Variants in DNAAF5 observed in about 807,000 individuals in gnomAD.
The protein encoded by DNAAF5 is HEAT repeat containing 2.
Under a neutral mutation model 75.8 loss-of-function variants are expected in DNAAF5, and 64 were observed. The ratio of observed to expected loss-of-function variants is 0.84; its 90% CI spans 0.69 to 1.04. The LOEUF is 1.04. Ranked by LOEUF, DNAAF5 falls within the 50% of genes least tolerant of loss-of-function variation. The probability of loss-of-function intolerance (pLI) is 0.00; values close to 1 mark genes in which losing one functional copy is unlikely to be tolerated. For missense variants in DNAAF5, 1,269 were observed against 1,178.5 expected (o/e 1.08, Z -1.12); for synonymous variants, 657 against 557.2 (o/e 1.18, Z -2.52).
Position 754,537 on chromosome 7 carries a change from G to A in DNAAF5, c.1025-52G>A. ...AATGTGATGTGCGGTAACTTGAGTTGTTGAGGTTTTGCTTGTGAATTTCTC... is the reference window on the plus strand; with the variant it reads ...AATGTGATGTGCGGTAACTTGAGTTATTGAGGTTTTGCTTGTGAATTTCTC... On this transcript the variant is annotated intron_variant, in intron 4 of 12. Transcript: ENST00000297440. The surrounding 1 kb of genome is among the most constrained non-coding windows in gnomAD (Gnocchi z 4.8). 2 of 1,475,282 alleles carry A rather than the reference G, an allele frequency of 1.4e-6. No individual in the cohort carries two copies. Among genetic ancestry groups the A allele is most frequent in the East Asian group, 2.3e-5 (1 of 43,966 alleles). The allele number at this position is 1,475,282 out of a possible 1,614,324, so 91.4% of individuals were successfully genotyped here. A position where few individuals can be genotyped will look rare whatever the true frequency, so the allele number is the denominator to read the frequency against.
At chr7:760,064 ACGGGGCCGCGCGGCTCCTCC>A (rs2128079803) in intron 6 of DNAAF5, among the ~76,000 whole-genome samples, 1 of 10,524 alleles carries the variant, frequency 9.5e-5, no homozygotes, top group African/African-American at 2.9e-4. Context: ...TCCGAGGGAG[ACGGGGCCGCGCGGCTCCTCC>A]AGCTCTGAGG....
chr7:780,826 C>CTTTT (rs201445917), intron 12 of DNAAF5, among the ~76,000 whole-genome samples: 20 of 131,266 alleles, frequency 1.5e-4, no homozygotes, highest in African/African-American at 5.1e-4. Flanking sequence ...TTTTTTTTTT[C>CTTTT]TTTTTTTTTT....
At chr7:757,550 A>AG (rs1353568351) in intron 6 of DNAAF5, among the ~76,000 whole-genome samples, 1 of 152,274 alleles carries the variant, frequency 6.6e-6, no homozygotes, top group Non-Finnish European at 1.5e-5. Flanking sequence ...CTCACAGCCC[A>AG]GCTGAGGATT....
intron 11 of DNAAF5, among the ~76,000 whole-genome samples, chr7:779,059 T>G (rs1194748946): frequency 1.3e-5 from 2 of 152,274 alleles, no homozygotes; most frequent in Non-Finnish European, 2.9e-5. Flanking sequence ...ATTAACCCAC[T>G]GGGTCCCACT....
In DNAAF5 at chr7:783,298, G is replaced by A. The variant is rs184050937; in HGVS notation, c.2432-2219G>A. Reference sequence around the variant, plus strand: ...TGGTGCCCACTCGCGGGTGTAAGCCGTGTGCGTGAGGGTGAGTGTGGCAGG... The same window carrying A: ...TGGTGCCCACTCGCGGGTGTAAGCCATGTGCGTGAGGGTGAGTGTGGCAGG... On this transcript the variant is annotated intron_variant, in intron 12 of 12. Coordinates refer to ENST00000297440, the MANE Select transcript of DNAAF5 (RefSeq NM_017802.4). Among the ~76,000 whole-genome samples the A allele has an allele frequency of 7.2e-5, 11 of 152,334 alleles. 1 individual carries two copies. The highest frequency in any genetic ancestry group is 3.4e-3 in the Middle Eastern group (1 of 294).
At chr7:760,529 G>A (rs1583501626) in intron 6 of DNAAF5, among the ~76,000 whole-genome samples, 1 of 152,186 alleles carries the variant, frequency 6.6e-6, no homozygotes, top group East Asian at 1.9e-4. Context: ...TCTTATCTAT[G>A]ATCCCAGCAC....
At chr7:783,800 G>A (rs1779059684) in intron 12 of DNAAF5, among the ~76,000 whole-genome samples, 1 of 151,804 alleles carries the variant, frequency 6.6e-6, no homozygotes, top group South Asian at 2.1e-4. Context: ...CCATCAACCC[G>A]AGTTCTGAGC....
At chr7:752,723 T>C (rs1201852883) in intron 4 of DNAAF5, among the ~76,000 whole-genome samples, 2 of 152,250 alleles carry the variant, frequency 1.3e-5, no homozygotes, top group Admixed American at 1.3e-4. Context: ...TAAAGCAATG[T>C]GTGGACTTCA....
chr7:727,356 T>G, intron 1 of DNAAF5, 41 bp downstream of exon 1: 4 of 1,016,716 alleles, frequency 3.9e-6, no homozygotes, highest in Non-Finnish European at 4.7e-6. Flanking sequence ...CACCCCACAC[T>G]CTCACCCCCA....
At chr7:770,215 G>C (rs966853504) in intron 8 of DNAAF5, among the ~76,000 whole-genome samples, 1 of 151,708 alleles carries the variant, frequency 6.6e-6, no homozygotes, top group African/African-American at 2.4e-5. Context: ...GCCTCCCAAA[G>C]TGCTGGGATT....
At chr7:730,851 A>G (rs1262094781) in intron 2 of DNAAF5, among the ~76,000 whole-genome samples, 2 of 152,170 alleles carry the variant, frequency 1.3e-5, no homozygotes, top group Non-Finnish European at 2.9e-5. Context: ...TTGAGTCACC[A>G]TGTACGCTGG....
intron 4 of DNAAF5, among the ~76,000 whole-genome samples, chr7:742,899 A>G (rs1781959065): frequency 6.6e-6 from 1 of 151,744 alleles, no homozygotes; most frequent in Non-Finnish European, 1.5e-5. Context: ...AATCATGTCC[A>G]GCTCAAATCA....
At chr7:741,676 T>C (rs536159170) in intron 4 of DNAAF5, among the ~76,000 whole-genome samples, 59 of 152,166 alleles carry the variant, frequency 3.9e-4, no homozygotes, top group Non-Finnish European at 7.2e-4. Flanking sequence ...CCATGTGCCT[T>C]GCAGTGACCT....
At position 769,121 on chromosome 7, in the gene DNAAF5, C is replaced by G. The variant is rs749196980; in HGVS notation, c.1784-1350C>G. 4.3e-5 allele frequency: 33 copies of G among 761,952 alleles called. No homozygotes were observed. In the Middle Eastern group the frequency reaches 6.7e-4, roughly 16 times the overall value. The allele number at this position is 761,952 out of a possible 1,614,324, so 47.2% of individuals were successfully genotyped here. On this transcript the variant is annotated intron_variant, in intron 8 of 12. Transcript: ENST00000297440. Reference sequence around the variant, plus strand: ...GTGGCAAGGGCAGGTGCGGGGGTCTCAGTCCACTACCGAGCAGCCTGCTCT... The same window carrying G: ...GTGGCAAGGGCAGGTGCGGGGGTCTGAGTCCACTACCGAGCAGCCTGCTCT...
rs1025333951 is a variant in DNAAF5, at chr7:778,818, TACCCCCCATGCAGCAAAAGC to T, written c.2240-1120_2240-1101del. On this transcript the variant is annotated intron_variant, in intron 11 of 12. Transcript: ENST00000297440. ...GAGGGCACCTGCCGTGCAGTGAGCATACCCCCCATGCAGCAAAAGCACCCCCCATGCAGCGAGGGCTCCCG... is the reference window on the plus strand; with the variant it reads ...GAGGGCACCTGCCGTGCAGTGAGCATACCCCCCATGCAGCGAGGGCTCCCG... 8 of 153,790 alleles carry T rather than the reference TACCCCCCATGCAGCAAAAGC, an allele frequency of 5.2e-5. No homozygotes were observed. The South Asian group carries it at 6.2e-4, about 12-fold the overall frequency. 9.5% of individuals were successfully genotyped at this position (153,790 alleles called of 1,614,324 possible). A position where few individuals can be genotyped will look rare whatever the true frequency, so the allele number is the denominator to read the frequency against.
chr7:762,104 A>T (rs1782672753), intron 7 of DNAAF5, among the ~76,000 whole-genome samples: 1 of 152,088 alleles, frequency 6.6e-6, no homozygotes, highest in African/African-American at 2.4e-5. Context: ...GGGAGTGGAG[A>T]CAGCTGTTTA....
chr7:771,619 C>A (rs1225418338), intron 9 of DNAAF5: 1 of 152,264 alleles, frequency 6.6e-6, no homozygotes, highest in Non-Finnish European at 1.5e-5. Flanking sequence ...TCAAAGACTT[C>A]AGGGCTTAGA....
At chr7:780,820 T>C (rs1778912663) in intron 12 of DNAAF5, among the ~76,000 whole-genome samples, 4 of 149,880 alleles carry the variant, frequency 2.7e-5, no homozygotes, top group Admixed American at 2.0e-4. Context: ...ATTTGCTTTT[T>C]TTTTTCTTTT....
chr7:737,090 ATTT>A (rs1781761524), intron 2 of DNAAF5, among the ~76,000 whole-genome samples: 1 of 151,512 alleles, frequency 6.6e-6, no homozygotes, highest in African/African-American at 2.4e-5. Flanking sequence ...TTATTTATTT[ATTT>A]ATTTTTATTG....
Sources: allele counts gnomAD v4.1 joint callset (sites outside exome capture counted in the v4.1 genomes callset), GRCh38; gene constraint gnomAD v4.1.1; non-coding constraint Gnocchi (gnomAD v3.1); transcripts MANE v1.5; gene names NCBI Gene and HGNC (gene_info 2026-07-23, HGNC 2026-07-21).